The following GALNT13 variants were observed in gnomAD, a reference collection of about 807,000 sequenced individuals.
The protein encoded by GALNT13 is polypeptide N-acetylgalactosaminyltransferase 13.
Under a neutral mutation model 64.2 loss-of-function variants are expected in GALNT13, and 28 were observed. That is an observed-to-expected ratio of 0.44 (90% CI 0.32 to 0.60). GALNT13 has a LOEUF of 0.60. Among genes scored for constraint, GALNT13 ranks in the 20% least tolerant of loss-of-function variants. GALNT13 has a pLI of 0.05. For synonymous variants in GALNT13, 214 were observed against 224.6 expected (o/e 0.95, Z 0.42); for missense variants, 577 against 669.8 (o/e 0.86, Z 1.53).
chr2:153,852,264 C>T, the GALNT13 span, among the ~76,000 whole-genome samples: 19 of 152,148 alleles, frequency 1.2e-4, no homozygotes, highest in East Asian at 3.5e-3. Context: ...TCATGAAACG[C>T]AACAACTGTA....
At chr2:153,833,685 G>A in the GALNT13 span, among the ~76,000 whole-genome samples, 1 of 152,124 alleles carries the variant, frequency 6.6e-6, no homozygotes, top group African/African-American at 2.4e-5. Flanking sequence ...GTCTTGAAAT[G>A]AATCTTTCAT....
chr2:153,891,157 C>T (rs983515360), intron 1 of GALNT13, among the ~76,000 whole-genome samples: 12 of 151,966 alleles, frequency 7.9e-5, no homozygotes, highest in African/African-American at 2.9e-4. Flanking sequence ...ACAATTAAGT[C>T]CTTACTGCAT....
chr2:153,763,014 A>G, the GALNT13 span, among the ~76,000 whole-genome samples: 2 of 152,002 alleles, frequency 1.3e-5, no homozygotes, highest in South Asian at 2.1e-4. Flanking sequence ...GTAGAGTTAC[A>G]AAACTCTACA....
At chr2:154,312,352 G>A (rs1362336344) in intron 9 of GALNT13, among the ~76,000 whole-genome samples, 1 of 152,150 alleles carries the variant, frequency 6.6e-6, no homozygotes, top group African/African-American at 2.4e-5. Context: ...ATTGCTGGTA[G>A]CAATGAACAT....
the GALNT13 span, among the ~76,000 whole-genome samples, chr2:153,373,810 T>C: frequency 6.6e-6 from 1 of 152,216 alleles, no homozygotes; most frequent in Non-Finnish European, 1.5e-5. Context: ...TTTCTGTCTT[T>C]ATGAATTTGA....
intron 3 of GALNT13, among the ~76,000 whole-genome samples, chr2:154,022,549 T>C (rs1165194662): frequency 1.3e-5 from 2 of 152,212 alleles, no homozygotes; most frequent in African/African-American, 4.8e-5. Flanking sequence ...ATATCCCCTT[T>C]ATCATTTTTT....
chr2:153,109,847 T>C, the GALNT13 span, among the ~76,000 whole-genome samples: 7 of 152,256 alleles, frequency 4.6e-5, no homozygotes, highest in South Asian at 2.1e-4. Flanking sequence ...GTTTGAAAGC[T>C]AAACAGTTTT....
At chr2:153,949,449 G>C (rs1311500411) in intron 3 of GALNT13, among the ~76,000 whole-genome samples, 1 of 151,690 alleles carries the variant, frequency 6.6e-6, no homozygotes, top group Non-Finnish European at 1.5e-5. Flanking sequence ...ACTGAGGTGG[G>C]AGGATTGCTT....
At chr2:153,999,632 A>G (rs190427971) in intron 3 of GALNT13, among the ~76,000 whole-genome samples, 92 of 152,190 alleles carry the variant, frequency 6.0e-4, no homozygotes, top group Admixed American at 1.2e-3. Context: ...TTCTTTGTGT[A>G]TGATGAACCA....
intron 3 of GALNT13, among the ~76,000 whole-genome samples, chr2:153,960,097 C>T (rs188378917): frequency 1.2e-4 from 18 of 152,212 alleles, no homozygotes; most frequent in Non-Finnish European, 2.2e-4. Flanking sequence ...AATAGTGGCT[C>T]TGGAAAGAGC....
rs1161279251 is a variant in GALNT13, at chr2:154,110,308, T to G, written c.143-30029T>G. ...ATATATATATATATATATATATATA[T>G]ATATATATATATATATATATATATA... On this transcript the variant is annotated intron_variant, in intron 3 of 12. Transcript: ENST00000392825. 7.8e-3 allele frequency among the ~76,000 whole-genome samples: 400 copies of G among 51,510 alleles called. 26 individuals are homozygous for G. Among genetic ancestry groups the G allele is most frequent in the Middle Eastern group, 0.029 (3 of 104 alleles). 33.8% of individuals were successfully genotyped at this position (51,510 alleles called of 152,430 possible).
the GALNT13 span, among the ~76,000 whole-genome samples, chr2:153,103,622 G>C: frequency 6.6e-6 from 1 of 152,220 alleles, no homozygotes; most frequent in Non-Finnish European, 1.5e-5. Context: ...AATGGATGAG[G>C]GAGGTCTGTC....
chr2:154,154,874 T>C (rs947815854), intron 4 of GALNT13, among the ~76,000 whole-genome samples: 3 of 151,976 alleles, frequency 2.0e-5, no homozygotes, highest in African/African-American at 7.2e-5. Context: ...AGTCAAAATA[T>C]GACTTTAATG....
At chr2:153,149,069 C>G in the GALNT13 span, among the ~76,000 whole-genome samples, 1 of 151,784 alleles carries the variant, frequency 6.6e-6, no homozygotes, top group South Asian at 2.1e-4. Context: ...ATGAAATCTT[C>G]ATTAGTCTTA....
At chr2:153,346,821 T>C in the GALNT13 span, among the ~76,000 whole-genome samples, 1 of 152,338 alleles carries the variant, frequency 6.6e-6, no homozygotes, top group African/African-American at 2.4e-5. Context: ...TTTTTAAAAA[T>C]TGAATTCCCA....
At chr2:154,379,284 G>A (rs1232583855) in intron 9 of GALNT13, among the ~76,000 whole-genome samples, 22 of 151,942 alleles carry the variant, frequency 1.4e-4, no homozygotes. Flanking sequence ...CTTGTAAAAT[G>A]CTATGTAGCT....
intron 3 of GALNT13, among the ~76,000 whole-genome samples, chr2:154,019,759 G>C (rs1310742069): frequency 6.6e-6 from 1 of 151,224 alleles, no homozygotes; most frequent in South Asian, 2.1e-4. Context: ...GTACAGGTTT[G>C]TTACATATGT....
chr2:154,295,830 G>A (rs1397249545), intron 8 of GALNT13, among the ~76,000 whole-genome samples: 1 of 152,152 alleles, frequency 6.6e-6, no homozygotes, highest in African/African-American at 2.4e-5. Context: ...AGGGTGAAAT[G>A]GGAAGGCTAG....
chr2:153,963,729 CTCTGTG>C (rs759153333), intron 3 of GALNT13, among the ~76,000 whole-genome samples: 15,915 of 115,138 alleles, frequency 0.14, 1,072 homozygotes, highest in Middle Eastern at 0.21. Flanking sequence ...CTCTCTCTCT[CTCTGTG>C]TGTGTGTGTG....
Sources: gnomAD v4.1 joint callset for allele counts (sites outside exome capture counted in the v4.1 genomes callset) on GRCh38, gnomAD v4.1.1 for gene constraint, MANE v1.5 for transcripts, NCBI Gene and HGNC (gene_info 2026-07-23, HGNC 2026-07-21) for gene names.